MEX3B: variants seen among roughly 807,000 people sequenced by gnomAD.
The protein encoded by MEX3B is mex-3 RNA binding family member B.
A neutral mutation model predicts 12.2 loss-of-function variants in MEX3B; 10 were observed. The observed-to-expected ratio is 0.82, with a 90% CI of 0.51 to 1.40. The LOEUF (loss-of-function observed/expected upper bound fraction) is 1.40. MEX3B is among the 40% of genes most tolerant of loss of function. MEX3B has a pLI of 0.00. For synonymous variants in MEX3B, 498 were observed against 356.3 expected (o/e 1.40, Z -4.48); for missense variants, 839 against 801.4 (o/e 1.05, Z -0.57).
At position 82,044,170 on chromosome 15, in the gene MEX3B, C is replaced by G; in HGVS notation, c.700G>C (p.Glu234Gln). Residue 234 changes from glutamate (E) to glutamine (Q), a missense_variant, in exon 2 of 2, where the codon GAG becomes CAG. By Grantham distance (29) the Glu-to-Gln change is conservative. Transcript: ENST00000329713. This position sits in a 1 kb window ranked among gnomAD's most constrained non-coding sequence, Gnocchi z 5.3. Reference sequence around the variant, plus strand: ...TGGAAGTCGTTCTCGTCTGTGAGCTCAATGATGCCGCCGGTACGCAGAGCA... The same window carrying G: ...TGGAAGTCGTTCTCGTCTGTGAGCTGAATGATGCCGCCGGTACGCAGAGCA... ...HIALRTGGII[E>Q]LTDENDFHAN... The G allele has an allele frequency of 6.2e-7, 1 of 1,614,026 alleles. No homozygotes were observed. Among genetic ancestry groups the G allele is most frequent in the Non-Finnish European group, 8.5e-7 (1 of 1,180,038 alleles).
Position 82,044,794 on chromosome 15 carries a change from G to A in MEX3B, c.257-181C>T. 1 of 652,094 alleles carries A rather than the reference G, an allele frequency of 1.5e-6. No individual in the cohort carries two copies. Among genetic ancestry groups the A allele is most frequent in the Non-Finnish European group, 2.7e-6 (1 of 377,166 alleles). 40.4% of individuals were successfully genotyped at this position (652,094 alleles called of 1,614,324 possible). On this transcript the variant is annotated intron_variant, in intron 1 of 1. Transcript: ENST00000329713. The surrounding 1 kb of genome is among the most constrained non-coding windows in gnomAD (Gnocchi z 5.3). The stretch of plus-strand genomic sequence containing the variant: ...GGGCCGCGCCACGGGCTGGGCAGCG[G>A]ATCCCACCCGCGAGGCGCTCGAGGA...
rs1163152621 is a variant in MEX3B at position 82,043,112 on chromosome 15, G to A, written c.*48C>T. 2.9e-5 allele frequency: 41 copies of A among 1,432,210 alleles called. No individual in the cohort carries two copies. The highest frequency in any genetic ancestry group is 3.5e-5 in the Non-Finnish European group (38 of 1,093,622). 88.7% of individuals were successfully genotyped at this position (1,432,210 alleles called of 1,614,324 possible). A position where few individuals can be genotyped will look rare whatever the true frequency, so the allele number is the denominator to read the frequency against. On this transcript the variant is annotated 3_prime_UTR_variant, in exon 2 of 2. Coordinates refer to ENST00000329713, the MANE Select transcript of MEX3B (RefSeq NM_032246.6). ...GCGCTGGGGAAAGAGGGTGGGGAGG[G>A]GTTCCCCCTTCCCCCAGCACGGTGC...
At chr15:82,045,345 G>T in intron 1 of MEX3B, 105 bp downstream of exon 1, 1 of 1,363,520 alleles carries the variant, frequency 7.3e-7, no homozygotes, top group Non-Finnish European at 1.0e-6. Context: ...TCTCCCCAAG[G>T]CACCCCACGC....
At chr15:82,045,410 A>ACACCACCCCCCCCCCCCCCCCCC in intron 1 of MEX3B, 40 bp downstream of exon 1, 1 of 1,577,546 alleles carries the variant, frequency 6.3e-7, no homozygotes, top group Non-Finnish European at 8.6e-7. Flanking sequence ...CTGAGACCCT[A>ACACCACCCCCCCCCCCCCCCCCC]CACCACCCCC....
chr15:82,043,792 G>A lies in MEX3B; in HGVS notation c.1078C>T (p.Gln360Ter). 1 of 1,580,178 alleles carries A rather than the reference G, an allele frequency of 6.3e-7. No individual in the cohort carries two copies. Among genetic ancestry groups the A allele is most frequent in the Non-Finnish European group, 8.6e-7 (1 of 1,163,982 alleles). Residue 360 changes from glutamine to a stop codon, truncating the protein, a stop_gained, in exon 2 of 2, where the codon CAG (glutamine) becomes TAG (stop). Coordinates refer to ENST00000329713, the MANE Select transcript of MEX3B (RefSeq NM_032246.6). LOFTEE classifies it high-confidence loss of function. The stretch of plus-strand genomic sequence containing the variant: ...GCGGGAGCCGGGTCAAAAGTGGGCT[G>A]CAGCTCGGGGCAGCCGTCGGGGGAT... ...VPSPDGCPEL[Q>*]PTFDPAPAPP... is the part of the protein sequence containing the mutation.
At position 82,045,648 on chromosome 15, in the gene MEX3B, C is replaced by CGCG; in HGVS notation, c.57_58insCGC (p.Gly19_Gly20insArg). On this transcript the variant is annotated inframe_insertion, in exon 1 of 2. Coordinates refer to ENST00000329713, the MANE Select transcript of MEX3B (RefSeq NM_032246.6). ...AGGGTCTCTCCCCCTCCGCTGCTGCCGCCGCCGCCGCCGCCGCTGCCGTTG... is the reference window on the plus strand; with the variant it reads ...AGGGTCTCTCCCCCTCCGCTGCTGCCGCGGCCGCCGCCGCCGCCGCTGCCGTTG... 1 of 1,534,226 alleles carries CGCG rather than the reference C, an allele frequency of 6.5e-7. No individual in the cohort carries two copies. The highest frequency in any genetic ancestry group is 8.7e-7 in the Non-Finnish European group (1 of 1,143,228).
rs2073225051 is a variant in MEX3B, at chr15:82,042,397, AAAAT to A, written c.*759_*762del. On this transcript the variant is annotated 3_prime_UTR_variant, in exon 2 of 2. Coordinates refer to ENST00000329713, the MANE Select transcript of MEX3B (RefSeq NM_032246.6). ...GTGTTCTTTGCCATAAGGCCATACT[AAAAT>A]AAAAAGATTTAACCCAGCTACAAAA... is the stretch of plus-strand genomic sequence containing the variant. 2 of 152,658 alleles carry A rather than the reference AAAAT, an allele frequency of 1.3e-5. No homozygotes were observed. The highest frequency in any genetic ancestry group is 2.9e-5 in the Non-Finnish European group (2 of 68,044). The allele number at this position is 152,658 out of a possible 1,614,324, so 9.5% of individuals were successfully genotyped here.
Position 82,045,861 on chromosome 15 carries a change from T to A in MEX3B, c.-156A>T, listed in dbSNP as rs2073255607. The A allele has an allele frequency of 1.2e-6, 1 of 826,882 alleles. No homozygotes were observed. 51.2% of individuals were successfully genotyped at this position (826,882 alleles called of 1,614,324 possible). On this transcript the variant is annotated 5_prime_UTR_variant, in exon 1 of 2. Transcript: ENST00000329713. ...CTTCCTCGGTGCTGGGAGGAGTGGG[T>A]CGCTCCGTGCGGTCCGCACCGGGCA...
Position 82,045,894 on chromosome 15 carries a change from C to T in MEX3B, c.-189G>A, listed in dbSNP as rs145439428. ...TGCGGTCCGCACCGGGCAGTGGCTG[C>T]AGGAGCCCCCACCTGGGTCCCCACC... On this transcript the variant is annotated 5_prime_UTR_variant, in exon 1 of 2. Transcript: ENST00000329713. 0.043 allele frequency: 23,591 copies of T among 551,032 alleles called. 1,192 individuals carry two copies. The highest frequency in any genetic ancestry group is 0.19 in the East Asian group (5,069 of 26,702). 34.1% of individuals were successfully genotyped at this position (551,032 alleles called of 1,614,324 possible). A position where few individuals can be genotyped will look rare whatever the true frequency, so the allele number is the denominator to read the frequency against.
Position 82,044,140 on chromosome 15 carries a change from T to C in MEX3B, c.730A>G (p.Asn244Asp). ...AGATCGAAGCCCACATCGGTGCCGT[T>C]GGCGTGGAAGTCGTTCTCGTCTGTG... ...ELTDENDFHA[N>D]GTDVGFDLHH... Residue 244 changes from asparagine (N) to aspartate (D), a missense_variant, in exon 2 of 2, where the codon AAC becomes GAC. Transcript: ENST00000329713. This position sits in a 1 kb window ranked among gnomAD's most constrained non-coding sequence, Gnocchi z 5.3. 1 of 1,613,734 alleles carries C rather than the reference T, an allele frequency of 6.2e-7. No individual in the cohort carries two copies. Among genetic ancestry groups the C allele is most frequent in the South Asian group, 1.1e-5 (1 of 91,076 alleles).
intron 1 of MEX3B, chr15:82,045,132 G>A (rs528288949): frequency 5.1e-5 from 31 of 605,664 alleles, no homozygotes; most frequent in Middle Eastern, 7.2e-4. Flanking sequence ...TCCTCCCAAA[G>A]GACTGATCAA....
In MEX3B at chr15:82,045,809, G is replaced by C. The variant is rs933844396; in HGVS notation, c.-104C>G. ...GCGGGTGGTCAGGGGCGGGGAGGCC[G>C]GTCGCCTGCTGAGGGCTCCGTTGCT... On this transcript the variant is annotated 5_prime_UTR_variant, in exon 1 of 2. Transcript: ENST00000329713. The C allele has an allele frequency of 1.1e-5, 14 of 1,232,654 alleles. No homozygotes were observed. Among genetic ancestry groups the C allele is most frequent in the Admixed American group, 4.2e-5 (1 of 23,610 alleles). The allele number at this position is 1,232,654 out of a possible 1,614,324, so 76.4% of individuals were successfully genotyped here. A position where few individuals can be genotyped will look rare whatever the true frequency, so the allele number is the denominator to read the frequency against.
At chr15:82,045,312 G>T in intron 1 of MEX3B, 138 bp downstream of exon 1, 1 of 1,054,884 alleles carries the variant, frequency 9.5e-7, no homozygotes, top group Non-Finnish European at 1.4e-6. Context: ...CTGGGGCGCC[G>T]GCCCATCGCG....
At position 82,043,820 on chromosome 15, in the gene MEX3B, C is replaced by T; in HGVS notation, c.1050G>A (p.Val350=). Residue 350 remains valine (V), a synonymous_variant, in exon 2 of 2, where the codon GTG becomes GTA. Coordinates refer to ENST00000329713, the MANE Select transcript of MEX3B (RefSeq NM_032246.6). Reference sequence around the variant, plus strand: ...GCTCGGGGCAGCCGTCGGGGGATGGCACTGAGGCTTCTCCCCCCGCTGTGT... The same window carrying T: ...GCTCGGGGCAGCCGTCGGGGGATGGTACTGAGGCTTCTCCCCCCGCTGTGT... ...YTYTAGGEAS[V]PSPDGCPELQ... 1 of 1,590,750 alleles carries T rather than the reference C, an allele frequency of 6.3e-7. No homozygotes were observed. Among genetic ancestry groups the T allele is most frequent in the South Asian group, 1.1e-5 (1 of 86,996 alleles).
At position 82,045,824 on chromosome 15, in the gene MEX3B, G is replaced by T; in HGVS notation, c.-119C>A. 1 of 1,122,034 alleles carries T rather than the reference G, an allele frequency of 8.9e-7. No individual in the cohort carries two copies. The highest frequency in any genetic ancestry group is 2.7e-5 in the South Asian group (1 of 37,664). The allele number at this position is 1,122,034 out of a possible 1,614,324, so 69.5% of individuals were successfully genotyped here. A position where few individuals can be genotyped will look rare whatever the true frequency, so the allele number is the denominator to read the frequency against. On this transcript the variant is annotated 5_prime_UTR_variant, in exon 1 of 2. Transcript: ENST00000329713. ...CGGGGAGGCCGGTCGCCTGCTGAGG[G>T]CTCCGTTGCTTCTTCCTCGGTGCTG...
Position 82,044,049 on chromosome 15 carries a change from G to T in MEX3B, c.821C>A (p.Pro274His), listed in dbSNP as rs61752776. Residue 274 changes from proline to histidine, a missense_variant, in exon 2 of 2, where the codon CCC becomes CAC. Transcript: ENST00000329713. This position sits in a 1 kb window ranked among gnomAD's most constrained non-coding sequence, Gnocchi z 5.3. ...LWSKPTPSIT[P>H]TPGRKPFSSY... Reference sequence around the variant, plus strand: ...AGAGAAAGGCTTGCGGCCGGGGGTGGGCGTGATGCTGGGGGTGGGCTTGCT... The same window carrying T: ...AGAGAAAGGCTTGCGGCCGGGGGTGTGCGTGATGCTGGGGGTGGGCTTGCT... The T allele has an allele frequency of 5.0e-6, 8 of 1,606,798 alleles. No homozygotes were observed. The East Asian group carries it at 1.6e-4, about 31-fold the overall frequency.
At position 82,044,958 on chromosome 15, in the gene MEX3B, G is replaced by A. The variant is rs1015392845; in HGVS notation, c.257-345C>T. The A allele has an allele frequency of 8.6e-6, 5 of 579,134 alleles. No individual in the cohort carries two copies. Among genetic ancestry groups the A allele is most frequent in the African/African-American group, 7.5e-5 (4 of 53,464 alleles). The allele number at this position is 579,134 out of a possible 1,614,324, so 35.9% of individuals were successfully genotyped here. A position where few individuals can be genotyped will look rare whatever the true frequency, so the allele number is the denominator to read the frequency against. On this transcript the variant is annotated intron_variant, in intron 1 of 1. Coordinates refer to ENST00000329713, the MANE Select transcript of MEX3B (RefSeq NM_032246.6). The surrounding 1 kb of genome is among the most constrained non-coding windows in gnomAD (Gnocchi z 5.3). ...CGTCAGCTCTGAAGACACGGGGAAG[G>A]GGCTCGGGGAAGGCAGCTGAAGTCG... is the stretch of plus-strand genomic sequence containing the variant.
rs914677159 is a variant in MEX3B at position 82,042,554 on chromosome 15, G to A, written c.*606C>T. The A allele has an allele frequency of 2.6e-5, 4 of 152,506 alleles. No individual in the cohort carries two copies. Among genetic ancestry groups the A allele is most frequent in the Non-Finnish European group, 5.9e-5 (4 of 68,012 alleles). 9.4% of individuals were successfully genotyped at this position (152,506 alleles called of 1,614,324 possible). On this transcript the variant is annotated 3_prime_UTR_variant, in exon 2 of 2. Transcript: ENST00000329713. ...CAATTTCTCTTTAAAACTTTTAAAC[G>A]TTTTTAATATATAAGAGATATGTTA...
rs1596007510 is a variant in MEX3B, at chr15:82,045,551, G to A, written c.155C>T (p.Ala52Val). Residue 52 changes from alanine to valine, a missense_variant, in exon 1 of 2, where the codon GCC (alanine) becomes GTC (valine). Ala to Val is a moderately conservative substitution (Grantham distance 64). Transcript: ENST00000329713. ...SLLGLDSDEGASLYDSEPRKK... is the reference protein window; with the variant it reads ...SLLGLDSDEGVSLYDSEPRKK... ...GCGCGGCTCGCTGTCGTACAGAGAG[G>A]CGCCCTCGTCACTGTCCAGCCCCAG... The A allele has an allele frequency of 3.7e-6, 6 of 1,611,798 alleles. No homozygotes were observed. The highest frequency in any genetic ancestry group is 4.2e-6 in the Non-Finnish European group (5 of 1,179,738).
Sources: allele counts gnomAD v4.1 joint callset, GRCh38; gene constraint gnomAD v4.1.1; non-coding constraint Gnocchi (gnomAD v3.1); transcripts MANE v1.5; gene names NCBI Gene and HGNC (gene_info 2026-07-23, HGNC 2026-07-21).